FRMPD4: variants seen among roughly 807,000 people sequenced by gnomAD.
The protein encoded by FRMPD4 is FERM and PDZ domain containing 4.
A neutral mutation model predicts 94.1 loss-of-function variants in FRMPD4; 22 were observed. The observed-to-expected ratio is 0.23, with a 90% confidence interval of 0.17 to 0.33. FRMPD4 has a LOEUF of 0.33. FRMPD4 is among the 10% of genes least tolerant of loss of function. The pLI, the probability that FRMPD4 is intolerant of heterozygous loss-of-function variation, is 1.00. For synonymous variants in FRMPD4, 631 were observed against 548.6 expected, an observed-to-expected ratio of 1.15 and a Z score of -2.10; for missense variants, 1,111 against 1,339.9, an observed-to-expected ratio of 0.83 and a Z score of 2.67.
intron 3 of FRMPD4, among the ~76,000 whole-genome samples, chrX:12,041,265 C>T (rs1301006349): frequency 2.7e-5 from 3 of 111,802 alleles, no homozygotes; most frequent in Non-Finnish European, 5.7e-5. Context: ...TTCAGTGTTC[C>T]TACTTTCTTC....
intron 1 of FRMPD4, among the ~76,000 whole-genome samples, chrX:12,227,784 G>A (rs975443680): frequency 2.8e-5 from 3 of 108,384 alleles, no homozygotes; most frequent in Non-Finnish European, 5.7e-5. Flanking sequence ...CTGGATGACA[G>A]AGTGAGACCC....
chrX:12,346,912 C>T (rs998898716), intron 1 of FRMPD4, among the ~76,000 whole-genome samples: 2 of 111,977 alleles, frequency 1.8e-5, no homozygotes, highest in African/African-American at 6.5e-5. Flanking sequence ...ATCTATTATC[C>T]ACTCTTCTGA....
intron 1 of FRMPD4, among the ~76,000 whole-genome samples, chrX:11,848,092 A>C (rs183060047): frequency 9.0e-6 from 1 of 110,760 alleles, no homozygotes; most frequent in Non-Finnish European, 1.9e-5. Context: ...TAGGAGAAAG[A>C]AAGAACAAAT....
intron 4 of FRMPD4, among the ~76,000 whole-genome samples, chrX:12,646,554 G>T (rs949878709): frequency 4.5e-5 from 5 of 111,865 alleles, no homozygotes; most frequent in Admixed American, 9.5e-5. Flanking sequence ...TTTCAGAGAG[G>T]ATTGGAACAT....
At chrX:12,034,883 A>G (rs967040219) in intron 3 of FRMPD4, among the ~76,000 whole-genome samples, 4 of 112,308 alleles carry the variant, frequency 3.6e-5, no homozygotes, top group African/African-American at 9.7e-5. Flanking sequence ...AGTGTTTCCT[A>G]CAGCCTTGTG....
chrX:12,136,401 A>G (rs1244137971), upstream of FRMPD4, among the ~76,000 whole-genome samples: 1 of 111,191 alleles, frequency 9.0e-6, no homozygotes, highest in Non-Finnish European at 1.9e-5. Flanking sequence ...TGCTATGGAA[A>G]CAAGAAAAAA....
chrX:12,030,417 G>T (rs932518549), intron 3 of FRMPD4, among the ~76,000 whole-genome samples: 1 of 111,607 alleles, frequency 9.0e-6, no homozygotes, highest in Non-Finnish European at 1.9e-5. Context: ...GCTTTTTTTT[G>T]TGGGGGGGAG....
At chrX:11,950,592 CTTTA>C (rs1259324782) in intron 3 of FRMPD4, among the ~76,000 whole-genome samples, 1 of 111,757 alleles carries the variant, frequency 8.9e-6, no homozygotes, top group East Asian at 2.8e-4. Flanking sequence ...TTAAAGCCTC[CTTTA>C]TTTCTTTTTA....
chrX:12,167,931 T>G (rs752016763), intron 1 of FRMPD4, among the ~76,000 whole-genome samples: 1 of 109,990 alleles, frequency 9.1e-6, no homozygotes, highest in African/African-American at 3.3e-5. Context: ...AGTGAAGGAG[T>G]AGGGGTTGGG....
Position 12,718,794 on chromosome X carries a change from C to G in FRMPD4, c.3964+4C>G, listed in dbSNP as rs776823251. The G allele has an allele frequency of 4.4e-6, 5 of 1,123,711 alleles. No individual in the cohort carries two copies. Among genetic ancestry groups the G allele is most frequent in the South Asian group, 1.9e-5 (1 of 53,935 alleles). 92.6% of individuals were successfully genotyped at this position (1,123,711 alleles called of 1,213,427 possible). On this transcript the variant is annotated splice_donor_region_variant and intron_variant, in intron 16 of 16. Coordinates refer to ENST00000675598, the MANE Select transcript of FRMPD4 (RefSeq NM_001368397.1). ...CCCAAGATTAAGGAAACCACAGGTA[C>G]AGCAATGATGGATTTAGCACTTTGT...
intron 1 of FRMPD4, among the ~76,000 whole-genome samples, chrX:11,863,700 T>C (rs2053701791): frequency 8.9e-6 from 1 of 112,287 alleles, no homozygotes. Flanking sequence ...TAATAATAAT[T>C]TCTGCCCCTA....
chrX:12,053,418 GAAAGAAAGAAAGAGAAAGAA>G (rs1569149834), intron 3 of FRMPD4, among the ~76,000 whole-genome samples: 67 of 89,736 alleles, frequency 7.5e-4, no homozygotes, highest in Admixed American at 1.5e-3. Context: ...AAGAAAGAAA[GAAAGAAAGAAAGAGAAAGAA>G]AGAAGAGAAG....
chrX:12,621,982 GAA>G (rs1291561682), intron 4 of FRMPD4, among the ~76,000 whole-genome samples: 1 of 31,030 alleles, frequency 3.2e-5, no homozygotes, highest in Non-Finnish European at 5.3e-5. Context: ...AAGAAAGAAA[GAA>G]AGAAAGAAAG....
intron 2 of FRMPD4, among the ~76,000 whole-genome samples, chrX:12,564,735 A>G (rs1260829828): frequency 9.0e-6 from 1 of 111,217 alleles, no homozygotes; most frequent in Non-Finnish European, 1.9e-5. Context: ...GGAAGCAGAG[A>G]TCCCTGGAGA....
chrX:12,719,917 G>A (rs2042186533), intron 16 of FRMPD4, among the ~76,000 whole-genome samples: 1 of 109,524 alleles, frequency 9.1e-6, no homozygotes, highest in Non-Finnish European at 1.9e-5. Flanking sequence ...CAAACCTCAT[G>A]CTGACTTCTT....
rs201135349 is a variant in FRMPD4, at chrX:12,383,508, TAAAACCC to T, written c.42-115171_42-115165del. Among the ~76,000 whole-genome samples the T allele has an allele frequency of 7.5e-4, 84 of 111,674 alleles. 1 individual carries two copies. The highest frequency in any genetic ancestry group is 5.8e-3 in the Admixed American group (61 of 10,552). On this transcript the variant is annotated intron_variant, in intron 1 of 16. Transcript: ENST00000675598. ...AATGTTGAGAAACCCTGATTTAAAATAAAACCCTAATCACATTGTTTTATGACGATTT... is the reference window on the plus strand; with the variant it reads ...AATGTTGAGAAACCCTGATTTAAAATTAATCACATTGTTTTATGACGATTT...
At chrX:12,606,727 A>C (rs2059135068) in intron 2 of FRMPD4, among the ~76,000 whole-genome samples, 2 of 111,528 alleles carry the variant, frequency 1.8e-5, no homozygotes, top group Non-Finnish European at 3.8e-5. Context: ...CCAGGTTCCA[A>C]AAATGTGAAT....
At chrX:12,124,341 G>A (rs1186358987) in intron 3 of FRMPD4, among the ~76,000 whole-genome samples, 2 of 111,887 alleles carry the variant, frequency 1.8e-5, no homozygotes, top group African/African-American at 6.5e-5. Flanking sequence ...ACACTAGAAG[G>A]TAGGTTCTAC....
chrX:12,719,665 CCTT>C (rs1339532791), intron 16 of FRMPD4, among the ~76,000 whole-genome samples: 1 of 111,877 alleles, frequency 8.9e-6, no homozygotes, highest in Non-Finnish European at 1.9e-5. Context: ...GGCTTTACCT[CCTT>C]TGGAAAAGCT....
Sources: allele counts gnomAD v4.1 joint callset (sites outside exome capture counted in the v4.1 genomes callset), GRCh38; gene constraint gnomAD v4.1.1; transcripts MANE v1.5; gene names NCBI Gene and HGNC (gene_info 2026-07-23, HGNC 2026-07-21).